The following HECTD4 variants were observed in gnomAD, a reference collection of about 807,000 sequenced individuals.
HECTD4 encodes the protein probable E3 ubiquitin-protein ligase HECTD4.
Under a neutral mutation model 471.5 loss-of-function variants are expected in HECTD4, and 114 were observed. The ratio of observed to expected loss-of-function variants is 0.24; its 90% CI spans 0.21 to 0.28. The LOEUF (loss-of-function observed/expected upper bound fraction) is 0.28, where lower values mean the gene tolerates loss of function less well. Ranked by LOEUF, HECTD4 falls within the 10% of genes least tolerant of loss-of-function variation. HECTD4 has a pLI of 1.00. For synonymous variants in HECTD4, 2,012 were observed against 2,256.0 expected, an observed-to-expected ratio of 0.89 and a Z score of 3.07; for missense variants, 3,866 against 5,651.5, an observed-to-expected ratio of 0.68 and a Z score of 10.13.
chr12:112,171,244 C>T lies in HECTD4; in HGVS notation c.11805G>A (p.Leu3935=). 6.2e-7 allele frequency: 1 copy of T among 1,608,766 alleles called. No individual in the cohort carries two copies. Among genetic ancestry groups the T allele is most frequent in the Non-Finnish European group, 8.5e-7 (1 of 1,177,766 alleles). The part of the protein sequence containing the change: ...ACLLNVPIES[L]RLRFALLQSL... ...ACTGCAGCAAGGCGAAGCGCAGGCGCAGGCTCTCGATGGGCACGTCTGAGG... is the reference window on the plus strand; with the variant it reads ...ACTGCAGCAAGGCGAAGCGCAGGCGTAGGCTCTCGATGGGCACGTCTGAGG... The change falls in exon 68 of 76, where the codon CTG becomes CTA. Residue 3935 remains leucine, a synonymous_variant. Coordinates refer to ENST00000682272, the MANE Select transcript of HECTD4 (RefSeq NM_001388303.1).
chr12:112,201,455 G>T (rs1310727160), intron 54 of HECTD4: 1 of 152,582 alleles, frequency 6.6e-6, no homozygotes, highest in Non-Finnish European at 1.4e-5. Flanking sequence ...ATACTAGAAA[G>T]GCCAAAAGCC....
chr12:112,291,699 C>T (rs1416568305), intron 7 of HECTD4, among the ~76,000 whole-genome samples: 2 of 152,034 alleles, frequency 1.3e-5, no homozygotes, highest in Admixed American at 6.6e-5. Flanking sequence ...GGTGAAACCC[C>T]GTCTCTACTA....
rs2031826615 is a variant in HECTD4, at chr12:112,185,446, C to A, written c.9520G>T (p.Val3174Phe). 2 of 1,576,334 alleles carry A rather than the reference C, an allele frequency of 1.3e-6. No homozygotes were observed. Among genetic ancestry groups the A allele is most frequent in the Non-Finnish European group, 8.6e-7 (1 of 1,160,332 alleles). ...TDMAACVKEL[V>F]FHLLAELLRT... ...AGGAGCTCTGCCAGGAGATGGAAAA[C>A]AAGCTCCTTCACGCAGGCTGCCATG... Residue 3174 changes from valine to phenylalanine, a missense_variant, in exon 61 of 76, where the codon GTT becomes TTT. Physicochemically the swap from Val to Phe is conservative, Grantham distance 50 (BLOSUM62 -1). This residue lies in a region of HECTD4 where 364 missense variants were observed against 413.2 expected (regional missense o/e 0.88). Transcript: ENST00000682272.
chr12:112,288,417 T>C (rs1255177661), intron 7 of HECTD4, among the ~76,000 whole-genome samples: 2 of 149,192 alleles, frequency 1.3e-5, no homozygotes, highest in Admixed American at 6.7e-5. Flanking sequence ...AGCCTAAGAG[T>C]TCAAGATCAG....
At chr12:112,308,694 A>G in intron 6 of HECTD4, 59 bp downstream of exon 6, 1 of 1,415,636 alleles carries the variant, frequency 7.1e-7, no homozygotes, top group South Asian at 1.3e-5. Flanking sequence ...CTGATGATAT[A>G]GGAACTTTCT....
chr12:112,313,734 C>A, intron 3 of HECTD4, among the ~76,000 whole-genome samples: 1 of 152,028 alleles, frequency 6.6e-6, no homozygotes, highest in Non-Finnish European at 1.5e-5. Flanking sequence ...AGTGATCCTC[C>A]CGCCTTGGCC....
rs2036903202 is a variant in HECTD4, at chr12:112,381,929, G to A, written c.177+23C>T. 1 of 1,221,302 alleles carries A rather than the reference G, an allele frequency of 8.2e-7. No individual in the cohort carries two copies. 75.7% of individuals were successfully genotyped at this position (1,221,302 alleles called of 1,614,324 possible). A position where few individuals can be genotyped will look rare whatever the true frequency, so the allele number is the denominator to read the frequency against. The stretch of plus-strand genomic sequence containing the variant: ...GGCGAGTGGGTCAGTCCGATGGCGG[G>A]GGCCGGGGGCCGCCTCGCTCACCTC... On this transcript the variant is annotated intron_variant, in intron 1 of 75. Coordinates refer to ENST00000682272, the MANE Select transcript of HECTD4 (RefSeq NM_001388303.1). The surrounding 1 kb of genome is among the most constrained non-coding windows in gnomAD (Gnocchi z 4.1).
At chr12:112,302,949 T>C (rs1399472071) in intron 7 of HECTD4, among the ~76,000 whole-genome samples, 1 of 151,816 alleles carries the variant, frequency 6.6e-6, no homozygotes, top group African/African-American at 2.4e-5. Flanking sequence ...TTTGGAATTT[T>C]GTTTGTTTGG....
intron 32 of HECTD4, among the ~76,000 whole-genome samples, chr12:112,242,728 T>C (rs1032720946): frequency 6.6e-6 from 1 of 151,460 alleles, no homozygotes; most frequent in African/African-American, 2.4e-5. Flanking sequence ...CTGGCCAACA[T>C]GGTGAAACCC....
Position 112,342,419 on chromosome 12 carries a change from T to C in HECTD4, c.178-22677A>G, listed in dbSNP as rs549502580. Among the ~76,000 whole-genome samples the C allele has an allele frequency of 3.3e-5, 5 of 152,308 alleles. No individual in the cohort carries two copies. The South Asian group carries it at 6.2e-4, about 19-fold the overall frequency. On this transcript the variant is annotated intron_variant, in intron 1 of 75. Transcript: ENST00000682272. ...CTGCAGTGAGCAATGACCGTACCAC[T>C]GCACTCCAGCCTGGGTGACAGAGTA...
At position 112,302,668 on chromosome 12, in the gene HECTD4, G is replaced by A. The variant is rs77521167; in HGVS notation, c.1335+3396C>T. On this transcript the variant is annotated intron_variant, in intron 7 of 75. Coordinates refer to ENST00000682272, the MANE Select transcript of HECTD4 (RefSeq NM_001388303.1). ...CCCCTTGGCCTTCTTTCCTTTCAGC[G>A]TCTTGGGCAGTGGGAGGCCAGTTAG... 0.06 allele frequency: 32,408 copies of A among 542,108 alleles called. 6,640 individuals carry two copies. In the East Asian group the frequency reaches 0.63, roughly 11 times the overall value. 33.6% of individuals were successfully genotyped at this position (542,108 alleles called of 1,614,324 possible).
chr12:112,369,797 G>A (rs1210006843), intron 1 of HECTD4, among the ~76,000 whole-genome samples: 1 of 152,144 alleles, frequency 6.6e-6, no homozygotes, highest in African/African-American at 2.4e-5. Flanking sequence ...CAATGACCCA[G>A]CAATTCCACT....
At position 112,324,054 on chromosome 12, in the gene HECTD4, C is replaced by A. The variant is rs529101065; in HGVS notation, c.178-4312G>T. 4.9e-3 allele frequency among the ~76,000 whole-genome samples: 302 copies of A among 61,544 alleles called. 36 individuals carry two copies. The highest frequency in any genetic ancestry group is 5.7e-3 in the Non-Finnish European group (226 of 39,602). 40.4% of individuals were successfully genotyped at this position (61,544 alleles called of 152,430 possible). A position where few individuals can be genotyped will look rare whatever the true frequency, so the allele number is the denominator to read the frequency against. On this transcript the variant is annotated intron_variant, in intron 1 of 75. Coordinates refer to ENST00000682272, the MANE Select transcript of HECTD4 (RefSeq NM_001388303.1). ...CCTTCCTTCCTTCCTTCCTTTCTTT[C>A]TTTCTTTCTTTCTTTCTTTCTTTCT...
At chr12:112,380,100 G>A (rs1342245548) in intron 1 of HECTD4, among the ~76,000 whole-genome samples, 2 of 152,120 alleles carry the variant, frequency 1.3e-5, no homozygotes, top group Admixed American at 1.3e-4. Context: ...CTACATAAAT[G>A]ACATATATGT....
chr12:112,199,385 G>A (rs1009665157), intron 55 of HECTD4, among the ~76,000 whole-genome samples: 14 of 152,160 alleles, frequency 9.2e-5, no homozygotes, highest in African/African-American at 3.4e-4. Context: ...AGTGGAGATG[G>A]TCTATCTCAA....
At chr12:112,230,936 T>G in intron 39 of HECTD4, 114 bp from the exon 40 acceptor site, 1 of 921,806 alleles carries the variant, frequency 1.1e-6, no homozygotes, top group Non-Finnish European at 1.6e-6. Flanking sequence ...CAAGAAAAAG[T>G]GGATTCCATT....
At chr12:112,321,773 T>C (rs1014493071) in intron 1 of HECTD4, 3 of 151,858 alleles carry the variant, frequency 2.0e-5, no homozygotes, top group Non-Finnish European at 4.4e-5. Context: ...AAGTTCACAA[T>C]TTAAAAACAA....
In HECTD4 at chr12:112,184,425, G is replaced by A; in HGVS notation, c.10541C>T (p.Ala3514Val). The A allele has an allele frequency of 2.5e-6, 4 of 1,605,026 alleles. No individual in the cohort carries two copies. The highest frequency in any genetic ancestry group is 2.5e-6 in the Non-Finnish European group (3 of 1,176,854). The part of the protein sequence containing the change: ...VSDLSVDPLP[A>V]GLELPIPPGL... ...CGGAGGGATGGGCAGCTCGAGGCCGGCAGGCAGCGGATCCACAGAGAGGTC... is the reference window on the plus strand; with the variant it reads ...CGGAGGGATGGGCAGCTCGAGGCCGACAGGCAGCGGATCCACAGAGAGGTC... Residue 3514 changes from alanine (A) to valine (V), a missense_variant, in exon 61 of 76, where the codon GCC becomes GTC. Around this residue, in one of 16 missense-constraint regions of HECTD4, gnomAD observed 192 missense variants for 189.9 expected, o/e 1.01. Coordinates refer to ENST00000682272, the MANE Select transcript of HECTD4 (RefSeq NM_001388303.1). The surrounding 1 kb of genome is among the most constrained non-coding windows in gnomAD (Gnocchi z 9.1).
chr12:112,238,346 G>A (rs1334008080), intron 34 of HECTD4, among the ~76,000 whole-genome samples: 1 of 152,038 alleles, frequency 6.6e-6, no homozygotes, highest in African/African-American at 2.4e-5. Flanking sequence ...CTGAGTGGCT[G>A]GGACTATAGG....
Sources: gnomAD v4.1 joint callset for allele counts (sites outside exome capture counted in the v4.1 genomes callset) on GRCh38, gnomAD v4.1.1 for gene constraint, gnomAD v4.1.1 regional missense constraint, Gnocchi (gnomAD v3.1) non-coding constraint, MANE v1.5 for transcripts, NCBI Gene and HGNC (gene_info 2026-07-23, HGNC 2026-07-21) for gene names.